MYO3A: variants seen among roughly 807,000 people sequenced by gnomAD.
MYO3A encodes the protein myosin IIIA.
A neutral mutation model predicts 192.7 loss-of-function variants in MYO3A; 180 were observed. The ratio of observed to expected loss-of-function variants is 0.93; its 90% confidence interval spans 0.83 to 1.06. The LOEUF (loss-of-function observed/expected upper bound fraction) is 1.06, where lower values mean the gene tolerates loss of function less well. Among genes scored for constraint, MYO3A ranks in the 50% least tolerant of loss-of-function variants. The probability of loss-of-function intolerance (pLI) is 0.00; values close to 1 mark genes in which losing one functional copy is unlikely to be tolerated. For missense variants in MYO3A, 1,896 were observed against 1,905.0 expected, an observed-to-expected ratio of 1.00 and a Z score of 0.09; for synonymous variants, 628 against 645.3, an observed-to-expected ratio of 0.97 and a Z score of 0.41.
chr10:26,201,765 C>T (rs755977237), intron 33 of MYO3A, among the ~76,000 whole-genome samples: 9 of 151,658 alleles, frequency 5.9e-5, no homozygotes, highest in East Asian at 1.9e-4. Flanking sequence ...ATTTACGTTA[C>T]GAATATGTGA....
chr10:25,940,632 G>A (rs1172910556), intron 2 of MYO3A, among the ~76,000 whole-genome samples: 1 of 152,000 alleles, frequency 6.6e-6, no homozygotes, highest in East Asian at 1.9e-4. Context: ...GGGGTCAGTG[G>A]TGTTAAACTT....
chr10:26,144,941 C>T (rs1481734436), intron 21 of MYO3A, among the ~76,000 whole-genome samples: 1 of 152,038 alleles, frequency 6.6e-6, no homozygotes, highest in African/African-American at 2.4e-5. Flanking sequence ...TTTGGGAGGC[C>T]GACACAGGTG....
At chr10:26,086,037 A>G (rs939515804) in intron 14 of MYO3A, among the ~76,000 whole-genome samples, 3 of 152,020 alleles carry the variant, frequency 2.0e-5, no homozygotes, top group Non-Finnish European at 2.9e-5. Context: ...ATTTGCAGGT[A>G]GGGGGAGGCT....
chr10:26,118,656 C>T (rs1838665401), intron 17 of MYO3A, among the ~76,000 whole-genome samples: 1 of 151,114 alleles, frequency 6.6e-6, no homozygotes, highest in Admixed American at 6.6e-5. Flanking sequence ...AATTGTGTCC[C>T]AGTCTCACTC....
At chr10:26,097,184 G>A (rs543559468) in intron 17 of MYO3A, among the ~76,000 whole-genome samples, 1 of 151,846 alleles carries the variant, frequency 6.6e-6, no homozygotes, top group Admixed American at 6.6e-5. Context: ...GTAGCAATTA[G>A]CATATTTCTG....
intron 4 of MYO3A, among the ~76,000 whole-genome samples, chr10:25,959,141 A>G (rs1376106390): frequency 6.6e-6 from 1 of 152,092 alleles, no homozygotes; most frequent in East Asian, 1.9e-4. Flanking sequence ...CTGTCTTCCT[A>G]TTTGGATGCC....
intron 17 of MYO3A, among the ~76,000 whole-genome samples, 188 bp downstream of exon 17, chr10:26,096,870 T>C (rs1837073410): frequency 6.6e-6 from 1 of 151,726 alleles, no homozygotes; most frequent in Admixed American, 6.6e-5. Context: ...TGAGATATAA[T>C]TGAATTTCAT....
At chr10:25,982,969 A>G (rs1839425262) in intron 4 of MYO3A, among the ~76,000 whole-genome samples, 1 of 152,174 alleles carries the variant, frequency 6.6e-6, no homozygotes, top group African/African-American at 2.4e-5. Flanking sequence ...CAGAAAAAGA[A>G]TTCAGAAGGT....
intron 31 of MYO3A, among the ~76,000 whole-genome samples, 167 bp downstream of exon 31, chr10:26,177,012 C>T (rs906168219): frequency 1.3e-5 from 2 of 152,114 alleles, no homozygotes; most frequent in East Asian, 1.9e-4. Context: ...TTAGGATGTT[C>T]TACCCACTTT....
At chr10:26,184,904 G>A (rs78871095) in intron 31 of MYO3A, among the ~76,000 whole-genome samples, 8,990 of 152,236 alleles carry the variant, frequency 0.059, 345 homozygotes, top group Non-Finnish European at 0.085. Flanking sequence ...AGTAGAGAGT[G>A]TTTATATTTT....
At chr10:26,101,431 C>A (rs997576334) in intron 17 of MYO3A, among the ~76,000 whole-genome samples, 6 of 152,200 alleles carry the variant, frequency 3.9e-5, no homozygotes, top group Non-Finnish European at 7.3e-5. Flanking sequence ...GAATTTCAGC[C>A]TGTCATTATG....
intron 10 of MYO3A, among the ~76,000 whole-genome samples, chr10:26,064,318 G>T (rs61849344): frequency 0.47 from 72,191 of 151,988 alleles, 17,943 homozygotes; most frequent in Middle Eastern, 0.59. Flanking sequence ...AAAGCTGTGA[G>T]GTAGAAGCAT....
chr10:25,936,347 A>G (rs546264215), intron 2 of MYO3A, among the ~76,000 whole-genome samples: 1 of 152,178 alleles, frequency 6.6e-6, no homozygotes, highest in Non-Finnish European at 1.5e-5. Context: ...TGGAGGCTGA[A>G]ATACCCTTTA....
At chr10:26,040,626 T>C (rs1588841960) in intron 10 of MYO3A, among the ~76,000 whole-genome samples, 1 of 152,090 alleles carries the variant, frequency 6.6e-6, no homozygotes, top group African/African-American at 2.4e-5. Context: ...GGGTAAACAC[T>C]GCAGCCACAA....
chr10:26,151,663 A>G (rs1840796459), intron 23 of MYO3A, among the ~76,000 whole-genome samples: 1 of 152,144 alleles, frequency 6.6e-6, no homozygotes, highest in South Asian at 2.1e-4. Context: ...GATGATTTAC[A>G]TTTAATGTGA....
chr10:26,135,786 C>T (rs1025495411), intron 20 of MYO3A, among the ~76,000 whole-genome samples: 4 of 151,536 alleles, frequency 2.6e-5, no homozygotes, highest in Non-Finnish European at 5.9e-5. Context: ...GCCAACATGG[C>T]GACACCTCAT....
chr10:26,201,490 C>G (rs1382304445), intron 33 of MYO3A, among the ~76,000 whole-genome samples, 185 bp downstream of exon 33: 4 of 151,802 alleles, frequency 2.6e-5, no homozygotes, highest in African/African-American at 4.8e-5. Flanking sequence ...ACCATCCTGG[C>G]TAACACGGTG....
chr10:26,084,813 AC>A (rs1836204826), intron 14 of MYO3A, among the ~76,000 whole-genome samples: 1 of 152,220 alleles, frequency 6.6e-6, no homozygotes, highest in African/African-American at 2.4e-5. Flanking sequence ...GCCTAGCTCT[AC>A]TTTTTAGAAG....
intron 31 of MYO3A, among the ~76,000 whole-genome samples, chr10:26,189,667 G>A (rs1290234147): frequency 6.6e-6 from 1 of 152,176 alleles, no homozygotes; most frequent in African/African-American, 2.4e-5. Flanking sequence ...TGCTAAGATT[G>A]TAAATAACCT....
Sources: allele counts gnomAD v4.1 joint callset (sites outside exome capture counted in the v4.1 genomes callset), GRCh38; gene constraint gnomAD v4.1.1; transcripts MANE v1.5; gene names NCBI Gene and HGNC (gene_info 2026-07-23, HGNC 2026-07-21).